The following ST6GALNAC5 variants were observed in gnomAD, a reference collection of about 807,000 sequenced individuals.
ST6GALNAC5 encodes ST6 N-acetylgalactosaminide alpha-2,6-sialyltransferase 5.
ST6GALNAC5 carries 27 observed loss-of-function variants against 33.6 expected under a neutral mutation model. The ratio of observed to expected loss-of-function variants is 0.80; its 90% CI spans 0.59 to 1.11. The LOEUF is 1.11. Among genes scored for constraint, ST6GALNAC5 ranks in the 50% least tolerant of loss-of-function variants. The probability of loss-of-function intolerance (pLI) is 0.00; values close to 1 mark genes in which losing one functional copy is unlikely to be tolerated. For missense variants in ST6GALNAC5, 428 were observed against 454.0 expected (o/e 0.94, Z 0.52); for synonymous variants, 194 against 171.2 (o/e 1.13, Z -1.04).
chr1:76,969,740 C>A (rs113734552), intron 2 of ST6GALNAC5, among the ~76,000 whole-genome samples: 1 of 152,104 alleles, frequency 6.6e-6, no homozygotes, highest in Non-Finnish European at 1.5e-5. Flanking sequence ...GGTCCCTGAC[C>A]CCCGTGTAGC....
intron 2 of ST6GALNAC5, among the ~76,000 whole-genome samples, chr1:76,939,422 C>A (rs540112874): frequency 6.6e-6 from 1 of 152,124 alleles, no homozygotes; most frequent in Non-Finnish European, 1.5e-5. Context: ...GACCCACTGT[C>A]GATGGAAATG....
intron 2 of ST6GALNAC5, among the ~76,000 whole-genome samples, chr1:76,945,084 T>C (rs1647469533): frequency 6.6e-6 from 1 of 151,776 alleles, no homozygotes; most frequent in Non-Finnish European, 1.5e-5. Context: ...GGCTTTGGAG[T>C]GTGGCACACA....
intron 2 of ST6GALNAC5, among the ~76,000 whole-genome samples, chr1:76,971,960 AATGTGTTACT>A (rs1391833735): frequency 6.6e-6 from 1 of 152,158 alleles, no homozygotes; most frequent in African/African-American, 2.4e-5. Flanking sequence ...CTCTCAACAT[AATGTGTTACT>A]TTTTAAAGTT....
chr1:76,980,624 G>A (rs865875324), intron 2 of ST6GALNAC5, among the ~76,000 whole-genome samples: 4 of 152,162 alleles, frequency 2.6e-5, no homozygotes, highest in Admixed American at 1.3e-4. Context: ...ATGGGGGAAA[G>A]AATAGGTTTT....
chr1:76,874,525 A>G (rs952375242), intron 2 of ST6GALNAC5, among the ~76,000 whole-genome samples: 11 of 152,212 alleles, frequency 7.2e-5, no homozygotes, highest in Non-Finnish European at 1.0e-4. Context: ...AAGGAGAGTC[A>G]GTCTAAGTCT....
intron 2 of ST6GALNAC5, among the ~76,000 whole-genome samples, chr1:76,936,282 G>T (rs1647202451): frequency 3.3e-5 from 5 of 151,900 alleles, no homozygotes; most frequent in African/African-American, 1.2e-4. Context: ...TACAATTAAG[G>T]TATTATGCCT....
intron 2 of ST6GALNAC5, among the ~76,000 whole-genome samples, chr1:77,017,267 GGA>G: frequency 6.6e-6 from 1 of 152,112 alleles, no homozygotes; most frequent in South Asian, 2.1e-4. Context: ...CTTCAGCATC[GGA>G]ATGTCAATGA....
intron 2 of ST6GALNAC5, among the ~76,000 whole-genome samples, chr1:76,875,648 C>T (rs1043216259): frequency 2.0e-5 from 3 of 152,146 alleles, no homozygotes; most frequent in Non-Finnish European, 4.4e-5. Flanking sequence ...GTTGCAGGAA[C>T]AGGAAGCAAA....
In ST6GALNAC5 at chr1:77,064,696, C is replaced by A. The variant is rs968286382; in HGVS notation, c.*1490C>A. ...ACAAGTAATATTGTTCAAAAATAGTCTCTTATAAATATACTAGTGTTTTCT... is the reference window on the plus strand; with the variant it reads ...ACAAGTAATATTGTTCAAAAATAGTATCTTATAAATATACTAGTGTTTTCT... On this transcript the variant is annotated 3_prime_UTR_variant, in exon 5 of 5. Coordinates refer to ENST00000477717, the MANE Select transcript of ST6GALNAC5 (RefSeq NM_030965.3). 6.6e-6 allele frequency: 1 copy of A among 152,028 alleles called. No homozygotes were observed. The highest frequency in any genetic ancestry group is 1.5e-5 in the Non-Finnish European group (1 of 67,994). 9.4% of individuals were successfully genotyped at this position (152,028 alleles called of 1,614,324 possible). A position where few individuals can be genotyped will look rare whatever the true frequency, so the allele number is the denominator to read the frequency against.
In ST6GALNAC5 at chr1:76,980,091, TATTA is replaced by T. The variant is rs557931891; in HGVS notation, c.262-64107_262-64104del. Among the ~76,000 whole-genome samples the T allele has an allele frequency of 6.0e-4, 92 of 152,218 alleles. 1 individual carries two copies. In the South Asian group the frequency reaches 0.01, roughly 17 times the overall value. ...ATAACTATTTTATTTATTAATAATT[TATTA>T]ATTAAGATTAATTTTAAAAATTAAC... On this transcript the variant is annotated intron_variant, in intron 2 of 4. Transcript: ENST00000477717.
intron 2 of ST6GALNAC5, among the ~76,000 whole-genome samples, chr1:77,042,657 C>G (rs902982948): frequency 6.6e-6 from 1 of 152,200 alleles, no homozygotes; most frequent in Non-Finnish European, 1.5e-5. Context: ...GACCAATAAT[C>G]CTAATAGCAC....
chr1:77,045,804 GGTGAAAAGAT>G lies in ST6GALNAC5; in HGVS notation c.671+1194_671+1203del, dbSNP rs2100464177. Among the ~76,000 whole-genome samples, 3 of 152,192 alleles carry G rather than the reference GGTGAAAAGAT, an allele frequency of 2.0e-5. No homozygotes were observed. In the South Asian group the frequency reaches 6.2e-4, roughly 32 times the overall value. Reference sequence around the variant, plus strand: ...GGGGTGACACAAGGTGAAGAAGAGAGGTGAAAAGATGTCAGCTGGACAAATCTAGGTGAAG... The same window carrying G: ...GGGGTGACACAAGGTGAAGAAGAGAGGTCAGCTGGACAAATCTAGGTGAAG... On this transcript the variant is annotated intron_variant, in intron 3 of 4. Coordinates refer to ENST00000477717, the MANE Select transcript of ST6GALNAC5 (RefSeq NM_030965.3).
At position 77,034,044 on chromosome 1, in the gene ST6GALNAC5, G is replaced by A. The variant is rs144038128; in HGVS notation, c.262-10160G>A. 2.3e-3 allele frequency among the ~76,000 whole-genome samples: 355 copies of A among 152,252 alleles called. 1 individual carries two copies. Among genetic ancestry groups the A allele is most frequent in the African/African-American group, 7.6e-3 (317 of 41,540 alleles). ...TAGGCAGAGGGTAGCGACCTTGTTGGTGGCAAAGTATTAGTTTCTTAGGGC... is the reference window on the plus strand; with the variant it reads ...TAGGCAGAGGGTAGCGACCTTGTTGATGGCAAAGTATTAGTTTCTTAGGGC... On this transcript the variant is annotated intron_variant, in intron 2 of 4. Transcript: ENST00000477717.
At chr1:76,894,342 G>A (rs557740402) in intron 2 of ST6GALNAC5, among the ~76,000 whole-genome samples, 5 of 152,206 alleles carry the variant, frequency 3.3e-5, no homozygotes, top group East Asian at 1.9e-4. Context: ...CATGTACACC[G>A]CACACCTGCC....
intron 2 of ST6GALNAC5, among the ~76,000 whole-genome samples, chr1:76,981,922 G>C (rs1031004372): frequency 2.0e-5 from 3 of 152,216 alleles, no homozygotes; most frequent in African/African-American, 7.2e-5. Flanking sequence ...TGAGAGACCT[G>C]ACCGTTAGAA....
At chr1:76,900,554 G>A (rs550461411) in intron 2 of ST6GALNAC5, among the ~76,000 whole-genome samples, 4 of 152,284 alleles carry the variant, frequency 2.6e-5, no homozygotes, top group African/African-American at 9.6e-5. Context: ...GCCAAAAAGA[G>A]AGCCAATTAT....
chr1:76,883,665 A>G (rs1257449608), intron 2 of ST6GALNAC5, among the ~76,000 whole-genome samples: 1 of 152,244 alleles, frequency 6.6e-6, no homozygotes, highest in African/African-American at 2.4e-5. Context: ...ACAGGCAGGC[A>G]GGCCCAGGCT....
intron 2 of ST6GALNAC5, among the ~76,000 whole-genome samples, chr1:76,966,186 C>T (rs1648468745): frequency 6.6e-6 from 1 of 152,016 alleles, no homozygotes; most frequent in Admixed American, 6.6e-5. Context: ...TATAAATTAC[C>T]TTGGGCAATA....
intron 2 of ST6GALNAC5, among the ~76,000 whole-genome samples, chr1:77,036,366 C>CA (rs982191526): frequency 3.3e-5 from 5 of 151,956 alleles, no homozygotes; most frequent in African/African-American, 7.3e-5. Flanking sequence ...TCTAAATATA[C>CA]AAAAAAATTA....
Sources: gnomAD v4.1 joint callset for allele counts (sites outside exome capture counted in the v4.1 genomes callset) on GRCh38, gnomAD v4.1.1 for gene constraint, MANE v1.5 for transcripts, NCBI Gene and HGNC (gene_info 2026-07-23, HGNC 2026-07-21) for gene names.